The following TSPEAR variants were observed in gnomAD, a reference collection of about 807,000 sequenced individuals.
TSPEAR encodes thrombospondin-type laminin G domain and EAR repeat-containing protein.
In TSPEAR, 69 loss-of-function variants were observed where a neutral mutation model predicts 71.6. The ratio of observed to expected loss-of-function variants is 0.96; its 90% CI spans 0.79 to 1.18. TSPEAR has a LOEUF of 1.18. TSPEAR is among the 50% of genes most tolerant of loss of function. The probability of loss-of-function intolerance (pLI) is 0.00; values close to 1 mark genes in which losing one functional copy is unlikely to be tolerated. For synonymous variants in TSPEAR, 402 were observed against 387.2 expected, an observed-to-expected ratio of 1.04 and a Z score of -0.45; for missense variants, 971 against 894.9, an observed-to-expected ratio of 1.09 and a Z score of -1.09.
intron 1 of TSPEAR, among the ~76,000 whole-genome samples, chr21:44,692,366 A>C (rs1328370762): frequency 6.6e-6 from 1 of 152,212 alleles, no homozygotes; most frequent in Non-Finnish European, 1.5e-5. Flanking sequence ...GCTATTAAAC[A>C]AGAAAAATAA....
chr21:44,624,321 G>C (rs1982634357), intron 1 of TSPEAR, among the ~76,000 whole-genome samples: 1 of 152,200 alleles, frequency 6.6e-6, no homozygotes, highest in Non-Finnish European at 1.5e-5. Flanking sequence ...AAGCTAATCA[G>C]CATTATTTTA....
Position 44,504,817 on chromosome 21 carries a change from C to T in TSPEAR, c.1819G>A (p.Asp607Asn), listed in dbSNP as rs587622341. The change falls in exon 11 of 12, where the codon GAT becomes AAT. Residue 607 changes from aspartate (D) to asparagine (N), a missense_variant. Transcript: ENST00000323084. ...CTGTTCACCGAGAAGGTACGCCCAT[C>T]GAAGGAGTTGGCCACCACCAGGAAA... ...DYFLVVANSF[D>N]GRTFSVNSII... 1.4e-5 allele frequency: 22 copies of T among 1,613,804 alleles called. No homozygotes were observed. Among genetic ancestry groups the T allele is most frequent in the East Asian group, 6.7e-5 (3 of 44,852 alleles).
intron 1 of TSPEAR, among the ~76,000 whole-genome samples, chr21:44,709,618 C>T (rs1361351066): frequency 1.3e-5 from 2 of 152,250 alleles, no homozygotes; most frequent in African/African-American, 4.8e-5. Flanking sequence ...CCACCCGCCG[C>T]GGCTCCACGC....
At chr21:44,632,607 G>A (rs1028600091) in intron 1 of TSPEAR, among the ~76,000 whole-genome samples, 6 of 152,094 alleles carry the variant, frequency 3.9e-5, no homozygotes, top group East Asian at 1.9e-4. Context: ...AGGCTGAGGC[G>A]GGCAGATCAG....
At chr21:44,533,520 G>GCCTCTCCA (rs2053018043) in intron 3 of TSPEAR, among the ~76,000 whole-genome samples, 165 bp downstream of exon 3, 1 of 151,784 alleles carries the variant, frequency 6.6e-6, no homozygotes, top group South Asian at 2.1e-4. Flanking sequence ...GTCGGCTCCT[G>GCCTCTCCA]CCCCGTGGAT....
chr21:44,568,035 G>T, intron 1 of TSPEAR, 30 bp from the exon 2 acceptor site: 5 of 1,480,776 alleles, frequency 3.4e-6, no homozygotes, highest in Non-Finnish European at 4.5e-6. Flanking sequence ...GGTGGGTTAG[G>T]CCAGGACACC....
chr21:44,676,978 C>A, intron 1 of TSPEAR: 1 of 932,500 alleles, frequency 1.1e-6, no homozygotes. Context: ...GTCCGAAACG[C>A]TCATTCCTTT....
chr21:44,627,243 G>C (rs201201187), intron 1 of TSPEAR: 2 of 1,612,614 alleles, frequency 1.2e-6, no homozygotes, highest in South Asian at 1.1e-5. Context: ...ACTGCCCAGA[G>C]AGCTGCTGTG....
At chr21:44,638,958 G>A (rs587639247) in intron 1 of TSPEAR, among the ~76,000 whole-genome samples, 1 of 152,104 alleles carries the variant, frequency 6.6e-6, no homozygotes, top group Admixed American at 6.5e-5. Context: ...CTCCTCCACA[G>A]TAAGACATTG....
intron 1 of TSPEAR, chr21:44,573,736 C>A (rs199689212): frequency 6.2e-7 from 1 of 1,603,890 alleles, no homozygotes; most frequent in East Asian, 2.2e-5. Context: ...CCCAGCTCAA[C>A]CCCCAGCACA....
At position 44,504,867 on chromosome 21, in the gene TSPEAR, T is replaced by C. The variant is rs782484504; in HGVS notation, c.1769A>G (p.Glu590Gly). ...ATAATCTTCTCCCACCGAGAAAAAC[T>C]CCCAGTCCAGAGCACTGCAGGAACA... ...DILTCSALDW[E>G]FFSVGEDYFL... The change falls in exon 11 of 12, where the codon GAG (glutamate) becomes GGG (glycine). Residue 590 changes from glutamate to glycine, a missense_variant. Coordinates refer to ENST00000323084, the MANE Select transcript of TSPEAR (RefSeq NM_144991.3). The C allele has an allele frequency of 1.2e-6, 2 of 1,612,920 alleles. No individual in the cohort carries two copies. Among genetic ancestry groups the C allele is most frequent in the East Asian group, 2.2e-5 (1 of 44,810 alleles).
chr21:44,524,911 A>ATAGTCAGGTAGTTAGTCATTCAGG (rs2052818593), intron 8 of TSPEAR, among the ~76,000 whole-genome samples: 1 of 149,042 alleles, frequency 6.7e-6, no homozygotes, highest in Non-Finnish European at 1.5e-5. Context: ...AGTCAGTCAG[A>ATAGTCAGGTAGTTAGTCATTCAGG]TAGTCAGGTA....
rs368257291 is a variant in TSPEAR at position 44,525,891 on chromosome 21, G to A, written c.1150-52C>T. The A allele has an allele frequency of 5.2e-5, 82 of 1,580,160 alleles. No individual in the cohort carries two copies. The African/African-American group carries it at 5.5e-4, about 11-fold the overall frequency. On this transcript the variant is annotated intron_variant, in intron 7 of 11. Coordinates refer to ENST00000323084, the MANE Select transcript of TSPEAR (RefSeq NM_144991.3). ...TGGTTCTGCTTGGGTCGGTGCCAGC[G>A]GCCTGGTTTCTGAAGGCTTCTGAAC...
intron 2 of TSPEAR, chr21:44,539,831 G>T: frequency 3.2e-6 from 5 of 1,579,368 alleles, no homozygotes; most frequent in Non-Finnish European, 4.3e-6. Flanking sequence ...GCAGCACACA[G>T]GCTTGCAGCA....
At chr21:44,517,435 G>A (rs1457686780) in intron 9 of TSPEAR, 6 of 244,628 alleles carry the variant, frequency 2.5e-5, no homozygotes, top group Non-Finnish European at 4.1e-5. Flanking sequence ...CATGTGACTG[G>A]CACTAGCCAA....
At chr21:44,529,712 G>T in intron 5 of TSPEAR, 86 bp downstream of exon 5, 2 of 1,491,962 alleles carry the variant, frequency 1.3e-6, no homozygotes, top group Non-Finnish European at 9.2e-7. Context: ...GAGGGGCTGA[G>T]AGCTGAGCCC....
intron 1 of TSPEAR, among the ~76,000 whole-genome samples, chr21:44,632,535 T>A (rs1983313915): frequency 6.6e-6 from 1 of 152,250 alleles, no homozygotes; most frequent in Admixed American, 6.5e-5. Context: ...CTTGAAGCCA[T>A]ATTAAGAAAT....
intron 2 of TSPEAR, among the ~76,000 whole-genome samples, chr21:44,537,004 T>A (rs750712015): frequency 2.0e-5 from 3 of 152,250 alleles, no homozygotes; most frequent in Non-Finnish European, 4.4e-5. Context: ...CAAAGAGGAA[T>A]ATTTTAGACC....
intron 1 of TSPEAR, among the ~76,000 whole-genome samples, chr21:44,569,009 G>A (rs2053747156): frequency 1.3e-5 from 2 of 152,170 alleles, no homozygotes; most frequent in South Asian, 2.1e-4. Flanking sequence ...ATCTCAAGCA[G>A]AGGCCTTCCT....
Sources: gnomAD v4.1 joint callset for allele counts (sites outside exome capture counted in the v4.1 genomes callset) on GRCh38, gnomAD v4.1.1 for gene constraint, MANE v1.5 for transcripts, NCBI Gene and HGNC (gene_info 2026-07-23, HGNC 2026-07-21) for gene names.